Variants in SCAPER observed in about 807,000 individuals in gnomAD.
SCAPER encodes the protein S phase cyclin A-associated protein in the endoplasmic reticulum.
In SCAPER, 98 loss-of-function variants were observed where a neutral mutation model predicts 182.2. That is an observed-to-expected ratio of 0.54 (90% confidence interval 0.46 to 0.64). The LOEUF is 0.64. Ranked by LOEUF, SCAPER falls within the 30% of genes least tolerant of loss-of-function variation. SCAPER has a pLI of 0.00. For missense variants in SCAPER, 1,432 were observed against 1,690.0 expected, an observed-to-expected ratio of 0.85 and a Z score of 2.68; for synonymous variants, 605 against 564.6, an observed-to-expected ratio of 1.07 and a Z score of -1.01.
At chr15:76,531,775 C>G (rs2043688536) in intron 23 of SCAPER, among the ~76,000 whole-genome samples, 1 of 152,108 alleles carries the variant, frequency 6.6e-6, no homozygotes, top group Admixed American at 6.6e-5. Context: ...TAAAGGTGGC[C>G]TTGAGCATCC....
intron 26 of SCAPER, among the ~76,000 whole-genome samples, chr15:76,413,063 GT>G (rs1053598061): frequency 1.3e-5 from 2 of 151,998 alleles, no homozygotes; most frequent in African/African-American, 4.8e-5. Context: ...TTTTGCATAA[GT>G]TATATTTGTA....
intron 28 of SCAPER, among the ~76,000 whole-genome samples, chr15:76,378,172 T>G (rs889149582): frequency 1.3e-5 from 2 of 152,222 alleles, no homozygotes; most frequent in African/African-American, 4.8e-5. Flanking sequence ...GTAACAGCTC[T>G]GTATTCTTGT....
At chr15:76,380,407 A>G (rs1004955249) in intron 28 of SCAPER, 1 of 152,152 alleles carries the variant, frequency 6.6e-6, no homozygotes, top group Non-Finnish European at 1.5e-5. Context: ...ATCCAATGAT[A>G]CAACTTAGTC....
chr15:76,746,072 G>T (rs1290387090), intron 15 of SCAPER, among the ~76,000 whole-genome samples: 1 of 152,164 alleles, frequency 6.6e-6, no homozygotes, highest in African/African-American at 2.4e-5. Flanking sequence ...TAATACACCA[G>T]ATCAATAGAA....
rs1296192464 is a variant in SCAPER at position 76,609,880 on chromosome 15, T to C, written c.2711+11884A>G. Among the ~76,000 whole-genome samples, 3 of 152,172 alleles carry C rather than the reference T, an allele frequency of 2.0e-5. No individual in the cohort carries two copies. The East Asian group carries it at 5.8e-4, about 29-fold the overall frequency. On this transcript the variant is annotated intron_variant, in intron 22 of 31. Coordinates refer to ENST00000563290, the MANE Select transcript of SCAPER (RefSeq NM_020843.4). ...CTGTGACTTTAACCAGTACTTCTTT[T>C]TTTTTCCCCCTTATGTGGAAGAGCA...
intron 5 of SCAPER, among the ~76,000 whole-genome samples, chr15:76,815,052 C>CCA (rs1555618254): frequency 9.7e-3 from 133 of 13,646 alleles, no homozygotes; most frequent in Admixed American, 0.036. Context: ...CAAATTAAAA[C>CCA]AAAAAAAAAA....
At chr15:76,496,051 GAGATGAA>G (rs946079644) in intron 24 of SCAPER, among the ~76,000 whole-genome samples, 1 of 150,700 alleles carries the variant, frequency 6.6e-6, no homozygotes, top group African/African-American at 2.4e-5. Context: ...GAATGAGAGA[GAGATGAA>G]AGGTGGAAGG....
chr15:76,627,348 T>A (rs1447702690), intron 21 of SCAPER, among the ~76,000 whole-genome samples: 1 of 152,084 alleles, frequency 6.6e-6, no homozygotes, highest in Non-Finnish European at 1.5e-5. Flanking sequence ...AGTAAATCCA[T>A]GAATCTTTTT....
chr15:76,461,223 G>A lies in SCAPER; in HGVS notation c.3078+9989C>T, dbSNP rs182044614. ...CTTGTAAACATGTATTATTATCAGA[G>A]GGTACTGACGTTGACATAGCAACAT... On this transcript the variant is annotated intron_variant, in intron 25 of 31. Coordinates refer to ENST00000563290, the MANE Select transcript of SCAPER (RefSeq NM_020843.4). 1.2e-4 allele frequency among the ~76,000 whole-genome samples: 18 copies of A among 152,144 alleles called. 1 individual carries two copies. The Middle Eastern group carries it at 0.02, about 172-fold the overall frequency.
In SCAPER at chr15:76,854,599, T is replaced by TA. The variant is rs540724280; in HGVS notation, c.195+3209dup. Reference sequence around the variant, plus strand: ...ACCAATGACATTCTTCACAGAATGATAAAAAACTATTTAAAATTCATGTGG... The same window carrying TA: ...ACCAATGACATTCTTCACAGAATGATAAAAAAACTATTTAAAATTCATGTGG... On this transcript the variant is annotated intron_variant, in intron 4 of 31. Coordinates refer to ENST00000563290, the MANE Select transcript of SCAPER (RefSeq NM_020843.4). Among the ~76,000 whole-genome samples, 497 of 152,032 alleles carry TA rather than the reference T, an allele frequency of 3.3e-3. 5 individuals are homozygous for TA. Among genetic ancestry groups the TA allele is most frequent in the African/African-American group, 0.011 (454 of 41,466 alleles).
In SCAPER at chr15:76,643,236, CACATGCCTGTGCCAA is replaced by C. The variant is rs2054245556; in HGVS notation, c.2646-21422_2646-21408del. Among the ~76,000 whole-genome samples the C allele has an allele frequency of 2.0e-5, 3 of 152,298 alleles. No individual in the cohort carries two copies. The South Asian group carries it at 6.2e-4, about 32-fold the overall frequency. On this transcript the variant is annotated intron_variant, in intron 21 of 31. Transcript: ENST00000563290. ...TTAGTTTCTCCAATCCATCTCCTTCCACATGCCTGTGCCAAACATTTTGGCATTTAACTTTGATCT... is the reference window on the plus strand; with the variant it reads ...TTAGTTTCTCCAATCCATCTCCTTCCACATTTTGGCATTTAACTTTGATCT...
At chr15:76,352,064 A>G (rs777104701) in intron 30 of SCAPER, among the ~76,000 whole-genome samples, 1 of 152,214 alleles carries the variant, frequency 6.6e-6, no homozygotes, top group Non-Finnish European at 1.5e-5. Context: ...GTCATTGTCT[A>G]TGCAGTTGAA....
chr15:76,619,582 T>C (rs960276723), intron 22 of SCAPER, among the ~76,000 whole-genome samples: 2 of 152,176 alleles, frequency 1.3e-5, no homozygotes, highest in Non-Finnish European at 2.9e-5. Flanking sequence ...AATTATTTTT[T>C]CTTTCTTTTT....
intron 17 of SCAPER, among the ~76,000 whole-genome samples, chr15:76,708,785 G>T (rs1316706398): frequency 6.6e-6 from 1 of 152,078 alleles, no homozygotes; most frequent in East Asian, 1.9e-4. Flanking sequence ...AAAAGAGGAG[G>T]CTGGGCACGA....
In SCAPER at chr15:76,673,984, CA is replaced by C. The variant is rs1567763384; in HGVS notation, c.2509-8196del. Among the ~76,000 whole-genome samples the C allele has an allele frequency of 1.2e-4, 18 of 145,712 alleles. 1 individual carries two copies. The East Asian group carries it at 1.9e-3, about 16-fold the overall frequency. The stretch of plus-strand genomic sequence containing the variant: ...ACACACACACACACACACACACACA[CA>C]CACACCCCAATCAGATAACTTTGGA... On this transcript the variant is annotated intron_variant, in intron 20 of 31. Coordinates refer to ENST00000563290, the MANE Select transcript of SCAPER (RefSeq NM_020843.4).
chr15:76,887,325 G>A (rs1276002651), intron 1 of SCAPER, among the ~76,000 whole-genome samples: 1 of 152,210 alleles, frequency 6.6e-6, no homozygotes, highest in Non-Finnish European at 1.5e-5. Flanking sequence ...ACAACCCACA[G>A]AGGGTGAGCC....
intron 3 of SCAPER, among the ~76,000 whole-genome samples, chr15:76,859,721 GGTTTT>G (rs747277917): frequency 2.9e-4 from 44 of 151,850 alleles, no homozygotes; most frequent in Non-Finnish European, 4.1e-4. Context: ...CAGTTTTTTG[GGTTTT>G]GTTTTGTTTT....
At chr15:76,367,709 T>C (rs1201289105) in intron 29 of SCAPER, among the ~76,000 whole-genome samples, 1 of 152,140 alleles carries the variant, frequency 6.6e-6, no homozygotes, top group African/African-American at 2.4e-5. Flanking sequence ...TACCCTTGTG[T>C]GGAAAAATTC....
At chr15:76,415,953 AAAT>A (rs2045615482) in intron 26 of SCAPER, among the ~76,000 whole-genome samples, 2 of 152,216 alleles carry the variant, frequency 1.3e-5, no homozygotes, top group Non-Finnish European at 2.9e-5. Flanking sequence ...TTTCATAATA[AAAT>A]AATAGAAAAT....
Sources: allele counts gnomAD v4.1 joint callset (sites outside exome capture counted in the v4.1 genomes callset), GRCh38; gene constraint gnomAD v4.1.1; transcripts MANE v1.5; gene names NCBI Gene and HGNC (gene_info 2026-07-23, HGNC 2026-07-21).